The following YIPF4 variants were observed in gnomAD, a reference collection of about 807,000 sequenced individuals.
YIPF4 encodes the protein Yip1 domain family member 4, also known as protein YIPF4.
A neutral mutation model predicts 29.4 loss-of-function variants in YIPF4; 18 were observed. The observed-to-expected ratio is 0.61, with a 90% CI of 0.42 to 0.91. The LOEUF (loss-of-function observed/expected upper bound fraction) is 0.91, where lower values mean the gene tolerates loss of function less well. YIPF4 is among the 40% of genes least tolerant of loss of function. The probability of loss-of-function intolerance (pLI) is 0.00; values close to 1 mark genes in which losing one functional copy is unlikely to be tolerated. For missense variants in YIPF4, 279 were observed against 282.7 expected (o/e 0.99, Z 0.09); for synonymous variants, 115 against 104.7 (o/e 1.10, Z -0.60).
chr2:32,293,901 C>G (rs1312849887), intron 3 of YIPF4, among the ~76,000 whole-genome samples: 1 of 145,094 alleles, frequency 6.9e-6, no homozygotes, highest in Non-Finnish European at 1.5e-5. Context: ...GCTGACCCCC[C>G]CCACCTCCCT....
intron 5 of YIPF4, among the ~76,000 whole-genome samples, chr2:32,303,978 C>G (rs759691056): frequency 1.8e-4 from 28 of 152,100 alleles, no homozygotes; most frequent in Non-Finnish European, 3.7e-4. Context: ...CTGTGGTCAT[C>G]TTTAATCATA....
chr2:32,296,373 G>GA (rs1199601917), intron 3 of YIPF4, among the ~76,000 whole-genome samples: 1 of 151,714 alleles, frequency 6.6e-6, no homozygotes, highest in Non-Finnish European at 1.5e-5. Flanking sequence ...TCAGGAGGCT[G>GA]AGGCAGAGAA....
intron 4 of YIPF4, among the ~76,000 whole-genome samples, chr2:32,298,809 T>C (rs1340563581): frequency 1.3e-5 from 2 of 152,032 alleles, no homozygotes; most frequent in South Asian, 4.1e-4. Flanking sequence ...TCTGCCTGTT[T>C]AGCCTCCCAA....
Position 32,306,883 on chromosome 2 carries a change from C to T in YIPF4, c.*1257C>T. The stretch of plus-strand genomic sequence containing the variant: ...GTCCTCAGTATGATAACATGGCGAC[C>T]TCTTGGTATGTATTTCTTTAGCAAA... On this transcript the variant is annotated 3_prime_UTR_variant, in exon 6 of 6. Transcript: ENST00000238831. 1 of 268,546 alleles carries T rather than the reference C, an allele frequency of 3.7e-6. No homozygotes were observed. The highest frequency in any genetic ancestry group is 7.3e-6 in the Non-Finnish European group (1 of 137,160). 16.6% of individuals were successfully genotyped at this position (268,546 alleles called of 1,614,324 possible). A position where few individuals can be genotyped will look rare whatever the true frequency, so the allele number is the denominator to read the frequency against.
chr2:32,303,961 T>C (rs2031489696), intron 5 of YIPF4, among the ~76,000 whole-genome samples: 1 of 152,212 alleles, frequency 6.6e-6, no homozygotes, highest in Non-Finnish European at 1.5e-5. Flanking sequence ...TGGTTAAAAC[T>C]ATTGTTCTGT....
intron 1 of YIPF4, among the ~76,000 whole-genome samples, chr2:32,289,458 C>T (rs1186716816): frequency 6.6e-6 from 1 of 152,110 alleles, no homozygotes; most frequent in Non-Finnish European, 1.5e-5. Context: ...GACATGATCT[C>T]CAGAGAGGTA....
intron 5 of YIPF4, among the ~76,000 whole-genome samples, chr2:32,304,640 T>C (rs760437269): frequency 2.0e-5 from 3 of 152,182 alleles, no homozygotes; most frequent in African/African-American, 4.8e-5. Flanking sequence ...CATCCTACAA[T>C]GCACAGGATA....
At chr2:32,293,632 AG>A (rs1329291842) in intron 3 of YIPF4, among the ~76,000 whole-genome samples, 2 of 151,974 alleles carry the variant, frequency 1.3e-5, no homozygotes, top group Admixed American at 1.3e-4. Flanking sequence ...GGTGGTGGCC[AG>A]GCAGAGGGGC....
In YIPF4 at chr2:32,292,193, G is replaced by A; in HGVS notation, c.250G>A (p.Asp84Asn). 6.5e-7 allele frequency: 1 copy of A among 1,547,032 alleles called. No individual in the cohort carries two copies. Residue 84 changes from aspartate to asparagine, a missense_variant, in exon 3 of 6, where the codon GAT (aspartate) becomes AAT (asparagine). Asp to Asn is a conservative substitution (Grantham distance 23). Coordinates refer to ENST00000238831, the MANE Select transcript of YIPF4 (RefSeq NM_032312.4). The stretch of plus-strand genomic sequence containing the variant: ...AAATTATAGGGAAGAATTGGACATT[G>A]ATCTAAAGGATATTTACTACAAAAT... ...NKPLLEELDI[D>N]LKDIYYKIRC...
chr2:32,297,178 G>A (rs2031221946), intron 3 of YIPF4, among the ~76,000 whole-genome samples: 2 of 151,676 alleles, frequency 1.3e-5, no homozygotes, highest in African/African-American at 2.4e-5. Context: ...AGGCTGGAGT[G>A]CAATGGCGCA....
Position 32,306,011 on chromosome 2 carries a change from A to G in YIPF4, c.*385A>G. ...CAAAAGTGCAATTTTTTTCTTCAAA[A>G]TGTTTTCTCCAGCATCACAGATCCT... On this transcript the variant is annotated 3_prime_UTR_variant, in exon 6 of 6. Transcript: ENST00000238831. The G allele has an allele frequency of 1.0e-6, 1 of 979,992 alleles. No individual in the cohort carries two copies. Among genetic ancestry groups the G allele is most frequent in the Non-Finnish European group, 1.2e-6 (1 of 824,806 alleles). 60.7% of individuals were successfully genotyped at this position (979,992 alleles called of 1,614,324 possible).
chr2:32,302,378 A>G (rs1014910641), intron 5 of YIPF4, among the ~76,000 whole-genome samples: 2 of 152,154 alleles, frequency 1.3e-5, no homozygotes, highest in African/African-American at 4.8e-5. Context: ...CTGTATTTAT[A>G]ATATGAGTTC....
chr2:32,315,731 C>G lies in YIPF4; in HGVS notation c.*10105C>G, dbSNP rs1413623932. 6.6e-6 allele frequency: 1 copy of G among 151,512 alleles called. No homozygotes were observed. Among genetic ancestry groups the G allele is most frequent in the Non-Finnish European group, 1.5e-5 (1 of 68,044 alleles). 9.4% of individuals were successfully genotyped at this position (151,512 alleles called of 1,614,324 possible). On this transcript the variant is annotated 3_prime_UTR_variant, in exon 6 of 6. Transcript: ENST00000238831. ...CTCCAGCCTGGGTGACAAGGCAAGA[C>G]TCCGTCTCAAAAAAAAAAAGAAAAA...
At position 32,311,647 on chromosome 2, in the gene YIPF4, ATACT is replaced by A. The variant is rs1243953199; in HGVS notation, c.*6025_*6028del. ...TAATTAGTGTATATACAAGTTGTTA[ATACT>A]TACGAAAAAAGGAAGCATTCCCACC... On this transcript the variant is annotated 3_prime_UTR_variant, in exon 6 of 6. Transcript: ENST00000238831. The A allele has an allele frequency of 6.6e-6, 1 of 152,228 alleles. No individual in the cohort carries two copies. Among genetic ancestry groups the A allele is most frequent in the Non-Finnish European group, 1.5e-5 (1 of 68,038 alleles). 9.4% of individuals were successfully genotyped at this position (152,228 alleles called of 1,614,324 possible).
At chr2:32,278,393 C>A (rs2030210625) in intron 1 of YIPF4, among the ~76,000 whole-genome samples, 159 bp downstream of exon 1, 1 of 152,172 alleles carries the variant, frequency 6.6e-6, no homozygotes, top group Non-Finnish European at 1.5e-5. Flanking sequence ...CCGAGAGGCC[C>A]CGAAGGACGG....
At position 32,313,980 on chromosome 2, in the gene YIPF4, C is replaced by G. The variant is rs979236331; in HGVS notation, c.*8354C>G. 1 of 152,352 alleles carries G rather than the reference C, an allele frequency of 6.6e-6. No homozygotes were observed. The highest frequency in any genetic ancestry group is 6.5e-5 in the Admixed American group (1 of 15,294). 9.4% of individuals were successfully genotyped at this position (152,352 alleles called of 1,614,324 possible). The stretch of plus-strand genomic sequence containing the variant: ...AAGTGCTGGGATTATAGGCATGAAC[C>G]ACTGCGCCCAGCCAGAAACGTGCTT... On this transcript the variant is annotated 3_prime_UTR_variant, in exon 6 of 6. Transcript: ENST00000238831.
Position 32,306,064 on chromosome 2 carries a change from T to C in YIPF4, c.*438T>C, listed in dbSNP as rs983914337. ...AGATATATATTTATATTTATACATA[T>C]ATATTTATGAAATAATTCTTACTCA... is the stretch of plus-strand genomic sequence containing the variant. On this transcript the variant is annotated 3_prime_UTR_variant, in exon 6 of 6. Transcript: ENST00000238831. 1.5e-5 allele frequency: 12 copies of C among 818,852 alleles called. No homozygotes were observed. The highest frequency in any genetic ancestry group is 6.3e-5 in the Admixed American group (1 of 15,998). The allele number at this position is 818,852 out of a possible 1,614,324, so 50.7% of individuals were successfully genotyped here. A position where few individuals can be genotyped will look rare whatever the true frequency, so the allele number is the denominator to read the frequency against.
intron 5 of YIPF4, among the ~76,000 whole-genome samples, chr2:32,303,202 C>T (rs999066073): frequency 1.3e-5 from 2 of 152,140 alleles, no homozygotes; most frequent in East Asian, 3.9e-4. Context: ...AACTCCATCT[C>T]TACAAAATTT....
At chr2:32,281,760 G>A (rs112938699) in intron 1 of YIPF4, among the ~76,000 whole-genome samples, 7 of 151,834 alleles carry the variant, frequency 4.6e-5, no homozygotes, top group East Asian at 1.9e-4. Flanking sequence ...ATGGTGGCAC[G>A]CACCTGCAAT....
Sources: allele counts gnomAD v4.1 joint callset (sites outside exome capture counted in the v4.1 genomes callset), GRCh38; gene constraint gnomAD v4.1.1; transcripts MANE v1.5; gene names NCBI Gene and HGNC (gene_info 2026-07-23, HGNC 2026-07-21).